IL17RE: variants seen among roughly 807,000 people sequenced by gnomAD.
IL17RE encodes the protein interleukin 17 receptor E, also known as interleukin-17 receptor E.
IL17RE carries 47 observed loss-of-function variants against 70.7 expected under a neutral mutation model. The ratio of observed to expected loss-of-function variants is 0.67; its 90% CI spans 0.53 to 0.85. The LOEUF (loss-of-function observed/expected upper bound fraction) is 0.85, where lower values mean the gene tolerates loss of function less well. IL17RE is among the 40% of genes least tolerant of loss of function. IL17RE has a pLI of 0.00. For missense variants in IL17RE, 850 were observed against 893.9 expected (o/e 0.95, Z 0.63); for synonymous variants, 372 against 381.2 (o/e 0.98, Z 0.28).
rs1453437451 is a variant in IL17RE, at chr3:9,911,110, C to T, written c.979-17C>T. 1 of 1,613,892 alleles carries T rather than the reference C, an allele frequency of 6.2e-7. No individual in the cohort carries two copies. Among genetic ancestry groups the T allele is most frequent in the Non-Finnish European group, 8.5e-7 (1 of 1,179,870 alleles). Reference sequence around the variant, plus strand: ...CCAGGAATTTTCTCCCTGATGAACTCTCCTCTCCTCCCACAGTGGTATGTT... The same window carrying T: ...CCAGGAATTTTCTCCCTGATGAACTTTCCTCTCCTCCCACAGTGGTATGTT... On this transcript the variant is annotated splice_polypyrimidine_tract_variant and intron_variant, in intron 9 of 15. Transcript: ENST00000383814.
chr3:9,911,759 G>T, intron 12 of IL17RE, 162 bp downstream of exon 12: 2 of 629,514 alleles, frequency 3.2e-6, no homozygotes, highest in Non-Finnish European at 5.3e-6. Context: ...CAGCTAACTT[G>T]CTGACAGTAG....
intron 1 of IL17RE, 68 bp downstream of exon 1, chr3:9,903,132 G>A (rs1011529987): frequency 4.3e-6 from 6 of 1,398,442 alleles, no homozygotes; most frequent in Non-Finnish European, 6.0e-6. Context: ...TCCCCTGCCT[G>A]CCCTGTGCTA....
At chr3:9,907,950 A>C (rs279576) in intron 6 of IL17RE, among the ~76,000 whole-genome samples, 76,033 of 151,728 alleles carry the variant, frequency 0.5, 19,666 homozygotes, top group Middle Eastern at 0.56. Context: ...GCATGGAGTT[A>C]ATTGATTTAA....
chr3:9,907,071 G>A lies in IL17RE; in HGVS notation c.637G>A (p.Glu213Lys). The change falls in exon 6 of 16, where the codon GAA becomes AAA. Residue 213 changes from glutamate (E) to lysine (K), a missense_variant. Coordinates refer to ENST00000383814, the MANE Select transcript of IL17RE (RefSeq NM_153480.2). ...RLCHQWALECEELSSPYDVQK... is the reference protein window; with the variant it reads ...RLCHQWALECKELSSPYDVQK... ...TTGTCACCAGTGGGCACTGGAGTGT[G>A]AAGAGCTGAGCAGTCCCTATGATGT... 1.9e-6 allele frequency: 3 copies of A among 1,614,190 alleles called. No homozygotes were observed. Among genetic ancestry groups the A allele is most frequent in the Non-Finnish European group, 2.5e-6 (3 of 1,180,036 alleles).
chr3:9,915,239 T>C lies in IL17RE; in HGVS notation c.1448-12T>C. ...AGCCGCCCAGCCTTCATCTGTTGCT[T>C]CCCGCCACCAGGCCCGGGCCCAGCG... is the stretch of plus-strand genomic sequence containing the variant. On this transcript the variant is annotated splice_polypyrimidine_tract_variant and intron_variant, in intron 15 of 15. Coordinates refer to ENST00000383814, the MANE Select transcript of IL17RE (RefSeq NM_153480.2). This position sits in a 1 kb window ranked among gnomAD's most constrained non-coding sequence, Gnocchi z 4.9. 3 of 1,377,804 alleles carry C rather than the reference T, an allele frequency of 2.2e-6. No individual in the cohort carries two copies. Among genetic ancestry groups the C allele is most frequent in the South Asian group, 1.7e-5 (1 of 57,538 alleles). 85.3% of individuals were successfully genotyped at this position (1,377,804 alleles called of 1,614,324 possible).
In IL17RE at chr3:9,902,922, C is replaced by A. The variant is rs1353301449; in HGVS notation, c.-11C>A. On this transcript the variant is annotated 5_prime_UTR_variant, in exon 1 of 16. The change creates a premature stop within an existing upstream ORF in the 5' untranslated region. Coordinates refer to ENST00000383814, the MANE Select transcript of IL17RE (RefSeq NM_153480.2). ...AGCCATGTTCCGGGAGCCCTAATTG[C>A]ACAGAAGCCCATGGGGAGCTCCAGA... 4.3e-6 allele frequency: 7 copies of A among 1,614,238 alleles called. No individual in the cohort carries two copies. The South Asian group carries it at 7.7e-5, about 18-fold the overall frequency.
chr3:9,903,113 G>A (rs771124322), intron 1 of IL17RE, 49 bp downstream of exon 1: 1 of 1,519,722 alleles, frequency 6.6e-7, no homozygotes, highest in African/African-American at 1.4e-5. Flanking sequence ...CAGCCATAAA[G>A]CTCCCCACTC....
intron 6 of IL17RE, 55 bp from the exon 7 acceptor site, chr3:9,908,184 G>C: frequency 6.9e-7 from 1 of 1,453,738 alleles, no homozygotes; most frequent in Non-Finnish European, 9.7e-7. Context: ...CCTTGTCTAT[G>C]TGCCCATGCT....
At chr3:9,907,792 C>A (rs2082795250) in intron 6 of IL17RE, among the ~76,000 whole-genome samples, 1 of 152,162 alleles carries the variant, frequency 6.6e-6, no homozygotes, top group African/African-American at 2.4e-5. Context: ...CCAACCTGGG[C>A]CCCAGCATCC....
chr3:9,902,527 G>A, upstream of IL17RE: 1 of 1,114,554 alleles, frequency 9.0e-7, no homozygotes, highest in Non-Finnish European at 1.3e-6. Flanking sequence ...AGGGGGTGAA[G>A]CGCATGTCTA....
rs755922232 is a variant in IL17RE at position 9,914,619 on chromosome 3, G to T, written c.1348+20G>T. On this transcript the variant is annotated intron_variant, in intron 14 of 15. Transcript: ENST00000383814. ...CGGATGGTGAGTTCTTGGGGAGGGG[G>T]AGGTAAGAGGGAGGCTGGGCACTGA... 6.2e-7 allele frequency: 1 copy of T among 1,613,466 alleles called. No homozygotes were observed. The highest frequency in any genetic ancestry group is 8.5e-7 in the Non-Finnish European group (1 of 1,179,428).
In IL17RE at chr3:9,915,889, C is replaced by G. The variant is rs990725252; in HGVS notation, c.*82C>G. 3 of 1,422,106 alleles carry G rather than the reference C, an allele frequency of 2.1e-6. No individual in the cohort carries two copies. In the African/African-American group the frequency reaches 4.5e-5, roughly 21 times the overall value. 88.1% of individuals were successfully genotyped at this position (1,422,106 alleles called of 1,614,324 possible). On this transcript the variant is annotated 3_prime_UTR_variant, in exon 16 of 16. Coordinates refer to ENST00000383814, the MANE Select transcript of IL17RE (RefSeq NM_153480.2). The surrounding 1 kb of genome is among the most constrained non-coding windows in gnomAD (Gnocchi z 4.9). Reference sequence around the variant, plus strand: ...GGAACCCCGGAATGAGCCTTCGACCCTGAAATCCTTGGGGTGCCTCGAGGA... The same window carrying G: ...GGAACCCCGGAATGAGCCTTCGACCGTGAAATCCTTGGGGTGCCTCGAGGA...
Position 9,906,746 on chromosome 3 carries a change from A to G in IL17RE, c.407A>G (p.His136Arg). The change falls in exon 5 of 16, where the codon CAT (histidine) becomes CGT (arginine). Residue 136 changes from histidine (H) to arginine (R), a missense_variant. Transcript: ENST00000383814. ...LPRRHLSEKS[H>R]HISIPSPDIS... Reference sequence around the variant, plus strand: ...CGTCGTCACCTGTCTGAGAAGAGCCATCACATTTCCATCCCCTCCCCAGAC... The same window carrying G: ...CGTCGTCACCTGTCTGAGAAGAGCCGTCACATTTCCATCCCCTCCCCAGAC... 1 of 1,614,180 alleles carries G rather than the reference A, an allele frequency of 6.2e-7. No homozygotes were observed. The highest frequency in any genetic ancestry group is 8.5e-7 in the Non-Finnish European group (1 of 1,180,038).
chr3:9,911,394 A>G, intron 11 of IL17RE, 49 bp from the exon 12 acceptor site: 1 of 1,612,850 alleles, frequency 6.2e-7, no homozygotes, highest in Non-Finnish European at 8.5e-7. Flanking sequence ...CCCTGAATTC[A>G]TCACCCAAAG....
Position 9,915,198 on chromosome 3 carries a change from G to T in IL17RE, c.1448-53G>T. 1 of 1,357,530 alleles carries T rather than the reference G, an allele frequency of 7.4e-7. No individual in the cohort carries two copies. Among genetic ancestry groups the T allele is most frequent in the Non-Finnish European group, 9.4e-7 (1 of 1,059,150 alleles). 84.1% of individuals were successfully genotyped at this position (1,357,530 alleles called of 1,614,324 possible). A position where few individuals can be genotyped will look rare whatever the true frequency, so the allele number is the denominator to read the frequency against. ...TATCCCGAGAGGGTGGGGAGAAGAG[G>T]GCTGAGCAGTCCCTCAGCCGCCCAG... On this transcript the variant is annotated intron_variant, in intron 15 of 15. Coordinates refer to ENST00000383814, the MANE Select transcript of IL17RE (RefSeq NM_153480.2). The surrounding 1 kb of genome is among the most constrained non-coding windows in gnomAD (Gnocchi z 4.9).
In IL17RE at chr3:9,915,201, T is replaced by C; in HGVS notation, c.1448-50T>C. ...CCCGAGAGGGTGGGGAGAAGAGGGC[T>C]GAGCAGTCCCTCAGCCGCCCAGCCT... is the stretch of plus-strand genomic sequence containing the variant. On this transcript the variant is annotated intron_variant, in intron 15 of 15. Transcript: ENST00000383814. The surrounding 1 kb of genome is among the most constrained non-coding windows in gnomAD (Gnocchi z 4.9). 3.7e-6 allele frequency: 5 copies of C among 1,362,400 alleles called. No individual in the cohort carries two copies. Among genetic ancestry groups the C allele is most frequent in the Non-Finnish European group, 4.7e-6 (5 of 1,061,940 alleles). The allele number at this position is 1,362,400 out of a possible 1,614,324, so 84.4% of individuals were successfully genotyped here. A position where few individuals can be genotyped will look rare whatever the true frequency, so the allele number is the denominator to read the frequency against.
intron 12 of IL17RE, 194 bp downstream of exon 12, chr3:9,911,791 T>TTTTTATTC: frequency 1.2e-5 from 6 of 488,322 alleles, no homozygotes; most frequent in Non-Finnish European, 1.8e-5. Flanking sequence ...GAGCATTTTC[T>TTTTTATTC]TTTTTTTCTT....
intron 12 of IL17RE, among the ~76,000 whole-genome samples, chr3:9,912,741 T>A (rs2082922370): frequency 6.6e-6 from 1 of 152,216 alleles, no homozygotes. Context: ...GATGGCCACA[T>A]GCAGTGTCTC....
intron 12 of IL17RE, among the ~76,000 whole-genome samples, chr3:9,913,406 AAAATAAATAAAT>A (rs58140458): frequency 7.7e-4 from 116 of 151,350 alleles, no homozygotes; most frequent in African/African-American, 2.6e-3. Context: ...TCTGTCTCAA[AAAATAAATAAAT>A]AAATAAATAA....
Sources: allele counts gnomAD v4.1 joint callset (sites outside exome capture counted in the v4.1 genomes callset), GRCh38; gene constraint gnomAD v4.1.1; non-coding constraint Gnocchi (gnomAD v3.1); transcripts MANE v1.5; gene names NCBI Gene and HGNC (gene_info 2026-07-23, HGNC 2026-07-21).